GPD2: variants seen among roughly 807,000 people sequenced by gnomAD.
GPD2 encodes glycerol-3-phosphate dehydrogenase, mitochondrial.
In GPD2, 54 loss-of-function variants were observed where a neutral mutation model predicts 82.4. That is an observed-to-expected ratio of 0.66 (90% CI 0.53 to 0.82). GPD2 has a LOEUF of 0.82. Ranked by LOEUF, GPD2 falls within the 40% of genes least tolerant of loss-of-function variation. The probability of loss-of-function intolerance (pLI) is 0.00; values close to 1 mark genes in which losing one functional copy is unlikely to be tolerated. For missense variants in GPD2, 748 were observed against 896.2 expected (o/e 0.83, Z 2.11); for synonymous variants, 288 against 306.1 (o/e 0.94, Z 0.62).
intron 1 of GPD2, among the ~76,000 whole-genome samples, chr2:156,452,437 G>T (rs561857536): frequency 6.2e-4 from 94 of 152,384 alleles, no homozygotes; most frequent in African/African-American, 1.9e-3. Context: ...ACCTGCAATC[G>T]CAGGCTGAGG....
chr2:156,546,039 T>G (rs1686519221), intron 6 of GPD2, among the ~76,000 whole-genome samples: 1 of 152,192 alleles, frequency 6.6e-6, no homozygotes, highest in Non-Finnish European at 1.5e-5. Flanking sequence ...TATATTTTGT[T>G]TCTCTAAACA....
intron 6 of GPD2, among the ~76,000 whole-genome samples, chr2:156,526,306 T>C (rs1685604997): frequency 6.6e-6 from 1 of 152,160 alleles, no homozygotes; most frequent in Non-Finnish European, 1.5e-5. Context: ...CATCCACTAG[T>C]CTGATCTGTG....
intron 1 of GPD2, among the ~76,000 whole-genome samples, chr2:156,452,217 G>C (rs538022055): frequency 1.3e-5 from 2 of 152,348 alleles, no homozygotes; most frequent in Non-Finnish European, 2.9e-5. Context: ...GGGAGGTGGA[G>C]GTTGTAGCGA....
the GPD2 span, among the ~76,000 whole-genome samples, chr2:156,422,321 A>G: frequency 6.6e-6 from 1 of 152,210 alleles, no homozygotes; most frequent in South Asian, 2.1e-4. Flanking sequence ...TCAACTGGAC[A>G]AGGAAACAAA....
intron 1 of GPD2, among the ~76,000 whole-genome samples, chr2:156,446,139 C>T (rs570962199): frequency 1.5e-4 from 23 of 152,286 alleles, no homozygotes; most frequent in African/African-American, 4.8e-4. Context: ...CTCTGTTGCC[C>T]AGGTTGAGTG....
chr2:156,523,428 A>C (rs557053813), intron 6 of GPD2, among the ~76,000 whole-genome samples: 1 of 152,336 alleles, frequency 6.6e-6, no homozygotes, highest in East Asian at 1.9e-4. Context: ...CAATTTTATT[A>C]TGGAAAACTC....
intron 3 of GPD2, among the ~76,000 whole-genome samples, chr2:156,504,377 A>G (rs1195028788): frequency 6.6e-6 from 1 of 152,082 alleles, no homozygotes; most frequent in Non-Finnish European, 1.5e-5. Context: ...TTTCTAAAGA[A>G]AGATAAACTC....
At chr2:156,582,065 G>C (rs887567551) in intron 16 of GPD2, among the ~76,000 whole-genome samples, 2 of 151,918 alleles carry the variant, frequency 1.3e-5, no homozygotes, top group Non-Finnish European at 2.9e-5. Context: ...AAAAAGATTA[G>C]GGAAGTGAGA....
chr2:156,479,515 A>G (rs1264456415), intron 2 of GPD2, among the ~76,000 whole-genome samples: 2 of 152,168 alleles, frequency 1.3e-5, no homozygotes, highest in African/African-American at 4.8e-5. Flanking sequence ...GAGGTTTATT[A>G]TTTTTATTTT....
intron 1 of GPD2, among the ~76,000 whole-genome samples, chr2:156,440,694 T>C (rs1682138150): frequency 6.6e-6 from 1 of 152,234 alleles, no homozygotes; most frequent in African/African-American, 2.4e-5. Context: ...TTCTGATTTA[T>C]TTAGGTCAAG....
chr2:156,427,018 G>T, the GPD2 span, among the ~76,000 whole-genome samples: 1 of 152,196 alleles, frequency 6.6e-6, no homozygotes, highest in African/African-American at 2.4e-5. Context: ...AAATTGGATT[G>T]TGATGCAATC....
chr2:156,442,474 C>G (rs1483224663), intron 1 of GPD2, among the ~76,000 whole-genome samples: 2 of 152,138 alleles, frequency 1.3e-5, no homozygotes, highest in Non-Finnish European at 2.9e-5. Context: ...GTTCAGAGTA[C>G]TAGGTTCTCA....
chr2:156,401,214 A>C, the GPD2 span, among the ~76,000 whole-genome samples: 1 of 152,166 alleles, frequency 6.6e-6, no homozygotes, highest in Non-Finnish European at 1.5e-5. Context: ...TGAACCACCA[A>C]TGCTTATAGC....
chr2:156,441,195 C>T (rs1477776737), intron 1 of GPD2, among the ~76,000 whole-genome samples: 1 of 152,160 alleles, frequency 6.6e-6, no homozygotes, highest in African/African-American at 2.4e-5. Context: ...ATTTCTTGCC[C>T]TGTGTACTTC....
intron 6 of GPD2, among the ~76,000 whole-genome samples, chr2:156,541,679 A>T (rs1291891870): frequency 6.6e-6 from 1 of 152,156 alleles, no homozygotes; most frequent in Non-Finnish European, 1.5e-5. Context: ...GAAGCTTACC[A>T]GGGGTTTTTA....
intron 2 of GPD2, among the ~76,000 whole-genome samples, chr2:156,488,990 A>G (rs998371816): frequency 6.6e-6 from 1 of 152,158 alleles, no homozygotes; most frequent in Non-Finnish European, 1.5e-5. Context: ...ATGCTAGGAA[A>G]AAGGCAGTTT....
At chr2:156,531,612 G>A (rs972230076) in intron 6 of GPD2, among the ~76,000 whole-genome samples, 1 of 152,230 alleles carries the variant, frequency 6.6e-6, no homozygotes, top group African/African-American at 2.4e-5. Context: ...GCATGTGGAG[G>A]CCACGAGTGG....
Position 156,490,117 on chromosome 2 carries a change from T to C in GPD2, c.103-5927T>C, listed in dbSNP as rs970187214. On this transcript the variant is annotated intron_variant, in intron 2 of 16. Coordinates refer to ENST00000438166, the MANE Select transcript of GPD2 (RefSeq NM_000408.5). ...GGAGGGTGAACAAAGGGAGGGCAGG[T>C]CTAGGAAGATTTGGAACCCAAAGCC... 7.0e-4 allele frequency among the ~76,000 whole-genome samples: 106 copies of C among 152,228 alleles called. 1 individual carries two copies. Among genetic ancestry groups the C allele is most frequent in the African/African-American group, 2.5e-3 (104 of 41,534 alleles).
chr2:156,483,018 T>C (rs184378067), intron 2 of GPD2, among the ~76,000 whole-genome samples: 196 of 152,208 alleles, frequency 1.3e-3, no homozygotes, highest in African/African-American at 4.6e-3. Flanking sequence ...CATACCTTAT[T>C]TGTAAGAGCT....
Sources: allele counts gnomAD v4.1 joint callset (sites outside exome capture counted in the v4.1 genomes callset), GRCh38; gene constraint gnomAD v4.1.1; transcripts MANE v1.5; gene names NCBI Gene and HGNC (gene_info 2026-07-23, HGNC 2026-07-21).